The following CDC42SE2 variants were observed in gnomAD, a reference collection of about 807,000 sequenced individuals.
CDC42SE2 encodes CDC42 small effector protein 2.
A neutral mutation model predicts 11.5 loss-of-function variants in CDC42SE2; 3 were observed. The ratio of observed to expected loss-of-function variants is 0.26; its 90% CI spans 0.12 to 0.67. The LOEUF (loss-of-function observed/expected upper bound fraction) is 0.67. Ranked by LOEUF, CDC42SE2 falls within the 30% of genes least tolerant of loss-of-function variation. The pLI, the probability that CDC42SE2 is intolerant of heterozygous loss-of-function variation, is 0.80. For synonymous variants in CDC42SE2, 33 were observed against 34.8 expected (o/e 0.95, Z 0.18); for missense variants, 82 against 106.8 (o/e 0.77, Z 1.02).
intron 1 of CDC42SE2, among the ~76,000 whole-genome samples, chr5:131,292,615 A>C (rs1757482539): frequency 1.4e-5 from 2 of 146,696 alleles, no homozygotes; most frequent in Admixed American, 6.7e-5. Flanking sequence ...GTACACAGTT[A>C]GGGCTGGGTG....
rs1750670433 is a variant in CDC42SE2 at position 131,391,993 on chromosome 5, T to C, written c.*902T>C. 1 of 152,386 alleles carries C rather than the reference T, an allele frequency of 6.6e-6. No individual in the cohort carries two copies. The highest frequency in any genetic ancestry group is 6.5e-5 in the Admixed American group (1 of 15,286). The allele number at this position is 152,386 out of a possible 1,614,324, so 9.4% of individuals were successfully genotyped here. A position where few individuals can be genotyped will look rare whatever the true frequency, so the allele number is the denominator to read the frequency against. On this transcript the variant is annotated 3_prime_UTR_variant, in exon 5 of 5. Transcript: ENST00000505065. ...TACTGTTCTGCTCTGAAGAAGATAC[T>C]GTCAGACGAATCCTGCATTTCCTTC...
At chr5:131,303,305 A>G (rs1006780117) in intron 1 of CDC42SE2, among the ~76,000 whole-genome samples, 1 of 152,206 alleles carries the variant, frequency 6.6e-6, no homozygotes, top group Non-Finnish European at 1.5e-5. Context: ...AGGAATTGGT[A>G]TTTGACATTA....
chr5:131,221,385 G>T, the CDC42SE2 span, among the ~76,000 whole-genome samples: 1 of 151,368 alleles, frequency 6.6e-6, no homozygotes, highest in Non-Finnish European at 1.5e-5. Flanking sequence ...TTCCAATGTG[G>T]CCCAGGGAAG....
At chr5:131,299,116 G>A (rs2149714751) in intron 1 of CDC42SE2, among the ~76,000 whole-genome samples, 1 of 152,288 alleles carries the variant, frequency 6.6e-6, no homozygotes, top group East Asian at 1.9e-4. Context: ...AATGGAAGAG[G>A]TAGTAAATGA....
chr5:131,377,558 G>A (rs1314896821), intron 3 of CDC42SE2, among the ~76,000 whole-genome samples: 2 of 152,176 alleles, frequency 1.3e-5, no homozygotes, highest in Non-Finnish European at 2.9e-5. Flanking sequence ...TTGGAATCTT[G>A]TTAGATATGC....
At chr5:131,368,747 C>T (rs1749933248) in intron 3 of CDC42SE2, among the ~76,000 whole-genome samples, 1 of 152,176 alleles carries the variant, frequency 6.6e-6, no homozygotes, top group Admixed American at 6.5e-5. Flanking sequence ...ATCTTCACCT[C>T]ATTCCATCCA....
chr5:131,355,806 T>C (rs1359437771), intron 2 of CDC42SE2, among the ~76,000 whole-genome samples: 1 of 152,158 alleles, frequency 6.6e-6, no homozygotes, highest in African/African-American at 2.4e-5. Context: ...TTGTATTAAA[T>C]TGCGGGTAGG....
chr5:131,214,963 T>A, the CDC42SE2 span, among the ~76,000 whole-genome samples: 4 of 152,218 alleles, frequency 2.6e-5, no homozygotes, highest in Admixed American at 2.6e-4. Context: ...TTAGCTCAAA[T>A]TGCTGAAGCA....
chr5:131,313,501 G>T (rs961747040), intron 1 of CDC42SE2, among the ~76,000 whole-genome samples: 1 of 152,170 alleles, frequency 6.6e-6, no homozygotes, highest in African/African-American at 2.4e-5. Context: ...CTTTAGGTCT[G>T]TGATTGATTT....
intron 1 of CDC42SE2, among the ~76,000 whole-genome samples, chr5:131,270,991 G>C (rs1330355763): frequency 1.3e-5 from 2 of 152,200 alleles, no homozygotes; most frequent in African/African-American, 4.8e-5. Context: ...TTATCTGATT[G>C]TGATCTGGCA....
At chr5:131,261,500 T>G (rs1390136608), upstream of CDC42SE2, 1 of 152,192 alleles carries the variant, frequency 6.6e-6, no homozygotes, top group African/African-American at 2.4e-5. Flanking sequence ...ATTAAATGTG[T>G]AAAGAGACTG....
At chr5:131,274,599 G>C (rs1043011847) in intron 1 of CDC42SE2, among the ~76,000 whole-genome samples, 1 of 152,160 alleles carries the variant, frequency 6.6e-6, no homozygotes, top group Non-Finnish European at 1.5e-5. Context: ...TTACTCCTGT[G>C]TTCAAACCCT....
chr5:131,251,514 A>G (rs1756638158), intron 1 of CDC42SE2, among the ~76,000 whole-genome samples: 2 of 152,224 alleles, frequency 1.3e-5, no homozygotes, highest in Admixed American at 6.5e-5. Context: ...TTTGCATTTA[A>G]CATGCTTTTT....
intron 1 of CDC42SE2, among the ~76,000 whole-genome samples, chr5:131,251,061 T>G (rs968526055): frequency 6.6e-6 from 1 of 152,214 alleles, no homozygotes; most frequent in Non-Finnish European, 1.5e-5. Context: ...AATTTTAAAT[T>G]TTTTAAATGT....
At chr5:131,210,183 T>C in the CDC42SE2 span, among the ~76,000 whole-genome samples, 1 of 152,198 alleles carries the variant, frequency 6.6e-6, no homozygotes, top group South Asian at 2.1e-4. Flanking sequence ...TTAAACCTCT[T>C]TTCTTTATGA....
intron 2 of CDC42SE2, among the ~76,000 whole-genome samples, 196 bp downstream of exon 2, chr5:131,316,340 C>G (rs1214484078): frequency 6.6e-6 from 1 of 152,222 alleles, no homozygotes; most frequent in African/African-American, 2.4e-5. Context: ...CTTGCTTCTT[C>G]CAGTTAGGCA....
the CDC42SE2 span, among the ~76,000 whole-genome samples, chr5:131,212,096 T>G: frequency 6.6e-6 from 1 of 151,536 alleles, no homozygotes; most frequent in Non-Finnish European, 1.5e-5. Context: ...TGTGGCAGGG[T>G]TTTTTTCTGT....
intron 3 of CDC42SE2, among the ~76,000 whole-genome samples, chr5:131,384,070 G>C (rs1409221206): frequency 6.6e-6 from 1 of 152,180 alleles, no homozygotes; most frequent in African/African-American, 2.4e-5. Context: ...CAGAAAACCT[G>C]TGTTCAGATA....
At chr5:131,280,197 C>T (rs1414688005) in intron 1 of CDC42SE2, among the ~76,000 whole-genome samples, 1 of 152,122 alleles carries the variant, frequency 6.6e-6, no homozygotes, top group Non-Finnish European at 1.5e-5. Flanking sequence ...CATTTCTTAC[C>T]CTTTAACTGA....
Sources: allele counts gnomAD v4.1 joint callset (sites outside exome capture counted in the v4.1 genomes callset), GRCh38; gene constraint gnomAD v4.1.1; transcripts MANE v1.5; gene names NCBI Gene and HGNC (gene_info 2026-07-23, HGNC 2026-07-21).